Variants in PIGB observed in about 807,000 individuals in gnomAD.
PIGB encodes phosphatidylinositol glycan anchor biosynthesis class B, also known as GPI alpha-1,2-mannosyltransferase 3.
In PIGB, 58 loss-of-function variants were observed where a neutral mutation model predicts 68.4. The ratio of observed to expected loss-of-function variants is 0.85; its 90% CI spans 0.69 to 1.06. The LOEUF (loss-of-function observed/expected upper bound fraction) is 1.06, where lower values mean the gene tolerates loss of function less well. Ranked by LOEUF, PIGB falls within the 50% of genes least tolerant of loss-of-function variation. PIGB has a pLI of 0.00. For synonymous variants in PIGB, 219 were observed against 220.5 expected (o/e 0.99, Z 0.06); for missense variants, 634 against 655.8 (o/e 0.97, Z 0.36).
At chr15:55,326,764 G>T (rs1490194519) in intron 3 of PIGB, among the ~76,000 whole-genome samples, 1 of 152,192 alleles carries the variant, frequency 6.6e-6, no homozygotes, top group Non-Finnish European at 1.5e-5. Flanking sequence ...GTGAACCCGG[G>T]AGGCGGAGCT....
At chr15:55,355,063 C>T in intron 11 of PIGB, 85 bp downstream of exon 11, 1 of 1,152,502 alleles carries the variant, frequency 8.7e-7, no homozygotes, top group South Asian at 1.4e-5. Flanking sequence ...GATAATATAA[C>T]CTTTTTATGG....
At chr15:55,350,528 A>T in intron 9 of PIGB, 171 bp from the exon 10 acceptor site, 1 of 604,516 alleles carries the variant, frequency 1.7e-6, no homozygotes, top group Non-Finnish European at 2.9e-6. Context: ...CAAGACCTAG[A>T]TGACAGTAGT....
At chr15:55,320,234 G>T in intron 1 of PIGB, 41 bp from the exon 2 acceptor site, 1 of 1,593,100 alleles carries the variant, frequency 6.3e-7, no homozygotes, top group South Asian at 1.1e-5. Flanking sequence ...GGAACTGCCT[G>T]ACTTTTGTGC....
In PIGB at chr15:55,350,883, G is replaced by A. The variant is rs547705924; in HGVS notation, c.1308G>A (p.Met436Ile). Residue 436 changes from methionine (M) to isoleucine (I), a missense_variant, in exon 10 of 12, where the codon ATG becomes ATA. Physicochemically the swap from Met to Ile is conservative, Grantham distance 10. Coordinates refer to ENST00000164305, the MANE Select transcript of PIGB (RefSeq NM_004855.5). ...AATCTTCAGCTTCAATATTTATAAT[G>A]ATGCCTTGCCACTCTACTCCTTATT... Reference protein sequence around the residue: ...PNKSSASIFIMMPCHSTPYYS... With the variant: ...PNKSSASIFIIMPCHSTPYYS... The A allele has an allele frequency of 1.1e-5, 18 of 1,599,354 alleles. No individual in the cohort carries two copies. The highest frequency in any genetic ancestry group is 1.5e-5 in the Non-Finnish European group (18 of 1,167,262).
At position 55,343,082 on chromosome 15, in the gene PIGB, A is replaced by G. The variant is rs532464170; in HGVS notation, c.1123+1280A>G. On this transcript the variant is annotated intron_variant, in intron 9 of 11. Coordinates refer to ENST00000164305, the MANE Select transcript of PIGB (RefSeq NM_004855.5). ...GGCAATGTTTGACCAAGTATACATCAACTCCTACAGATCTGAGATGTATAA... is the reference window on the plus strand; with the variant it reads ...GGCAATGTTTGACCAAGTATACATCGACTCCTACAGATCTGAGATGTATAA... The G allele has an allele frequency of 3.3e-5, 5 of 152,328 alleles. No individual in the cohort carries two copies. The South Asian group carries it at 1.0e-3, about 32-fold the overall frequency. The allele number at this position is 152,328 out of a possible 1,614,324, so 9.4% of individuals were successfully genotyped here.
chr15:55,342,995 C>T (rs2141204458), intron 9 of PIGB: 1 of 151,854 alleles, frequency 6.6e-6, no homozygotes, highest in Middle Eastern at 3.4e-3. Flanking sequence ...CTGGAAAAAA[C>T]CTAGGGAGTT....
At chr15:55,344,327 T>C (rs1251900985) in intron 9 of PIGB, among the ~76,000 whole-genome samples, 3 of 152,236 alleles carry the variant, frequency 2.0e-5, no homozygotes, top group Admixed American at 2.0e-4. Flanking sequence ...TCTTCTGAGT[T>C]TTCTCTTCCT....
At position 55,341,806 on chromosome 15, in the gene PIGB, A is replaced by G. The variant is rs571204083; in HGVS notation, c.1123+4A>G. The G allele has an allele frequency of 2.2e-6, 3 of 1,373,402 alleles. No homozygotes were observed. Among genetic ancestry groups the G allele is most frequent in the Non-Finnish European group, 9.7e-7 (1 of 1,029,666 alleles). 85.1% of individuals were successfully genotyped at this position (1,373,402 alleles called of 1,614,324 possible). On this transcript the variant is annotated splice_donor_region_variant and intron_variant, in intron 9 of 11. Coordinates refer to ENST00000164305, the MANE Select transcript of PIGB (RefSeq NM_004855.5). ...CCATTCTGTATGGTGTTCTGTGGTAAGTGCTTTTGTTTGTTATAGAAAATA... is the reference window on the plus strand; with the variant it reads ...CCATTCTGTATGGTGTTCTGTGGTAGGTGCTTTTGTTTGTTATAGAAAATA...
At chr15:55,324,866 A>C (rs1456903328) in intron 3 of PIGB, 4 of 930,860 alleles carry the variant, frequency 4.3e-6, no homozygotes, top group Non-Finnish European at 1.3e-6. Flanking sequence ...CCTGTATTTT[A>C]CAGGGCACAG....
chr15:55,351,185 G>T (rs2055914575), intron 10 of PIGB, among the ~76,000 whole-genome samples: 1 of 146,244 alleles, frequency 6.8e-6, no homozygotes, highest in African/African-American at 2.6e-5. Flanking sequence ...TCGGCTCACT[G>T]CAAGCTCCGC....
chr15:55,348,865 T>C (rs28368404), intron 9 of PIGB, among the ~76,000 whole-genome samples: 149,289 of 152,318 alleles, frequency 0.98, 73,224 homozygotes, highest in East Asian at 1. Flanking sequence ...CCTACCAACC[T>C]AAGTTAAGTG....
Position 55,354,660 on chromosome 15 carries a change from G to C in PIGB, c.1338-138G>C, listed in dbSNP as rs1030503277. On this transcript the variant is annotated intron_variant, in intron 10 of 11. Coordinates refer to ENST00000164305, the MANE Select transcript of PIGB (RefSeq NM_004855.5). The stretch of plus-strand genomic sequence containing the variant: ...TTATCTTTGAGAAAATGAGTTAAAG[G>C]CTTGCTTCTTCACTTAACTGCAACA... The C allele has an allele frequency of 1.2e-5, 8 of 640,636 alleles. No individual in the cohort carries two copies. The African/African-American group carries it at 1.3e-4, about 11-fold the overall frequency. The allele number at this position is 640,636 out of a possible 1,614,324, so 39.7% of individuals were successfully genotyped here.
chr15:55,341,547 TTA>T (rs1240839065), intron 8 of PIGB, among the ~76,000 whole-genome samples, 189 bp from the exon 9 acceptor site: 1 of 152,196 alleles, frequency 6.6e-6, no homozygotes, highest in Non-Finnish European at 1.5e-5. Context: ...TATTTTATGA[TTA>T]GTTTTACCAT....
In PIGB at chr15:55,335,568, G is replaced by T. The variant is rs200042597; in HGVS notation, c.794+1561G>T. 2.6e-5 allele frequency among the ~76,000 whole-genome samples: 4 copies of T among 152,270 alleles called. No homozygotes were observed. In the East Asian group the frequency reaches 7.7e-4, roughly 29 times the overall value. Reference sequence around the variant, plus strand: ...ATTTGTCAAGTGATGGTAATACAGGGAAAAATAATTGTGGGATAAGAAGGA... The same window carrying T: ...ATTTGTCAAGTGATGGTAATACAGGTAAAAATAATTGTGGGATAAGAAGGA... On this transcript the variant is annotated intron_variant, in intron 6 of 11. Transcript: ENST00000164305.
chr15:55,344,082 C>T (rs1483025734), intron 9 of PIGB, among the ~76,000 whole-genome samples: 3 of 152,156 alleles, frequency 2.0e-5, no homozygotes, highest in African/African-American at 7.2e-5. Context: ...TTGTTTTAAC[C>T]TATTTTTATG....
At chr15:55,326,197 CAA>C (rs1267716538) in intron 3 of PIGB, among the ~76,000 whole-genome samples, 1 of 70,420 alleles carries the variant, frequency 1.4e-5, no homozygotes. Context: ...ACTCTGTCTC[CAA>C]AAAAAAAAAG....
chr15:55,330,948 C>G (rs2055399660), intron 5 of PIGB, among the ~76,000 whole-genome samples: 3 of 152,176 alleles, frequency 2.0e-5, no homozygotes, highest in Admixed American at 6.5e-5. Context: ...GCATCTCAAG[C>G]CTTGTGGCTA....
rs753906457 is a variant in PIGB, at chr15:55,355,423, G to T, written c.1656G>T (p.Met552Ile). Residue 552 changes from methionine to isoleucine, a missense_variant, in exon 12 of 12, where the codon ATG becomes ATT. Physicochemically the swap from Met to Ile is conservative, Grantham distance 10 (BLOSUM62 1). Coordinates refer to ENST00000164305, the MANE Select transcript of PIGB (RefSeq NM_004855.5). ...RKLKGKFNMK[M>I]KF ...TAAAAGGGAAATTCAACATGAAGAT[G>T]AAATTCTGAACTTTCCTAGATAAAT... The T allele has an allele frequency of 9.3e-6, 15 of 1,605,984 alleles. 1 individual carries two copies. In the South Asian group the frequency reaches 1.6e-4, roughly 17 times the overall value.
chr15:55,330,152 G>C (rs1029944822), intron 5 of PIGB, among the ~76,000 whole-genome samples: 1 of 152,166 alleles, frequency 6.6e-6, no homozygotes, highest in African/African-American at 2.4e-5. Flanking sequence ...TAGGCCCCAA[G>C]GAGCAAGGAG....
Sources: allele counts gnomAD v4.1 joint callset (sites outside exome capture counted in the v4.1 genomes callset), GRCh38; gene constraint gnomAD v4.1.1; transcripts MANE v1.5; gene names NCBI Gene and HGNC (gene_info 2026-07-23, HGNC 2026-07-21).